Variants in P3H2 observed in about 807,000 individuals in gnomAD.
P3H2 encodes the protein leprecan-like 1.
P3H2 carries 80 observed loss-of-function variants against 87.0 expected under a neutral mutation model. The observed-to-expected ratio is 0.92, with a 90% CI of 0.77 to 1.11. P3H2 has a LOEUF of 1.11. Among genes scored for constraint, P3H2 ranks in the 50% least tolerant of loss-of-function variants. The pLI is 0.00. For missense variants in P3H2, 1,001 were observed against 923.9 expected, an observed-to-expected ratio of 1.08 and a Z score of -1.08; for synonymous variants, 367 against 359.3, an observed-to-expected ratio of 1.02 and a Z score of -0.24.
intron 1 of P3H2, among the ~76,000 whole-genome samples, chr3:190,114,812 A>T (rs1712227155): frequency 6.6e-6 from 1 of 152,262 alleles, no homozygotes; most frequent in Non-Finnish European, 1.5e-5. Context: ...CTATTTCAAG[A>T]AGATATGAAA....
chr3:190,066,076 T>C (rs564642193), intron 1 of P3H2, among the ~76,000 whole-genome samples: 2 of 151,572 alleles, frequency 1.3e-5, no homozygotes, highest in East Asian at 3.9e-4. Flanking sequence ...GAGTACTTGA[T>C]ATAATTTCAA....
chr3:190,056,600 T>C (rs1231764225), intron 1 of P3H2, among the ~76,000 whole-genome samples: 1 of 152,232 alleles, frequency 6.6e-6, no homozygotes, highest in Non-Finnish European at 1.5e-5. Flanking sequence ...GTCGTGATGA[T>C]AATCTGGATT....
intron 1 of P3H2, among the ~76,000 whole-genome samples, chr3:190,014,431 G>C (rs1560362641): frequency 6.6e-6 from 1 of 152,226 alleles, no homozygotes; most frequent in Non-Finnish European, 1.5e-5. Context: ...CAGATGGATA[G>C]GGTTTGGCAG....
chr3:189,970,296 T>TA (rs1409436532), intron 13 of P3H2, among the ~76,000 whole-genome samples: 5 of 141,244 alleles, frequency 3.5e-5, no homozygotes, highest in East Asian at 2.1e-4. Context: ...TATATATATA[T>TA]TTTTTATATA....
chr3:189,991,846 A>C (rs942883826), intron 3 of P3H2, among the ~76,000 whole-genome samples: 2 of 152,182 alleles, frequency 1.3e-5, no homozygotes, highest in Admixed American at 6.5e-5. Context: ...GTTTTTTTAG[A>C]GACTGCTCTG....
intron 8 of P3H2, among the ~76,000 whole-genome samples, chr3:189,977,879 G>C (rs1022955580): frequency 3.3e-5 from 5 of 152,042 alleles, no homozygotes. Flanking sequence ...CAAAGTGCTT[G>C]GATTCGAGGC....
In P3H2 at chr3:189,994,676, T is replaced by A. The variant is rs201459111; in HGVS notation, c.634-393A>T. Among the ~76,000 whole-genome samples the A allele has an allele frequency of 3.1e-4, 44 of 139,780 alleles. No individual in the cohort carries two copies. In the East Asian group the frequency reaches 4.7e-3, roughly 15 times the overall value. 91.7% of individuals were successfully genotyped at this position (139,780 alleles called of 152,430 possible). A position where few individuals can be genotyped will look rare whatever the true frequency, so the allele number is the denominator to read the frequency against. On this transcript the variant is annotated intron_variant, in intron 2 of 14. Transcript: ENST00000319332. ...GCCTGTGTTTTTTGTTTTTTTTTTT[T>A]AATATTTTCTAAAATCTTTCCTTAT...
At chr3:190,106,128 G>C (rs569434211) in intron 1 of P3H2, among the ~76,000 whole-genome samples, 1 of 152,024 alleles carries the variant, frequency 6.6e-6, no homozygotes, top group African/African-American at 2.4e-5. Context: ...AAACAGAGAA[G>C]ATTTGGAATG....
At chr3:190,065,902 G>A (rs1726483272) in intron 1 of P3H2, among the ~76,000 whole-genome samples, 1 of 152,126 alleles carries the variant, frequency 6.6e-6, no homozygotes. Context: ...CATAGCTTGT[G>A]TCACTATTGT....
chr3:189,966,163 G>C (rs1489627752), intron 13 of P3H2, among the ~76,000 whole-genome samples: 1 of 146,822 alleles, frequency 6.8e-6, no homozygotes, highest in African/African-American at 2.6e-5. Context: ...AAGAAAGAAA[G>C]AAAGAAAGAA....
rs191801042 is a variant in P3H2 at position 189,957,561 on chromosome 3, G to A, written c.*351C>T. The A allele has an allele frequency of 4.2e-4, 166 of 394,282 alleles. No homozygotes were observed. The East Asian group carries it at 8.0e-3, about 19-fold the overall frequency. The allele number at this position is 394,282 out of a possible 1,614,324, so 24.4% of individuals were successfully genotyped here. On this transcript the variant is annotated 3_prime_UTR_variant, in exon 15 of 15. Transcript: ENST00000319332. ...GAAAGAGAGCTGGGTGTGGTGGCACGTGCCTGTGGTCCCAGCTCCCCGGGA... is the reference window on the plus strand; with the variant it reads ...GAAAGAGAGCTGGGTGTGGTGGCACATGCCTGTGGTCCCAGCTCCCCGGGA...
chr3:190,081,722 A>T (rs1285594550), intron 1 of P3H2, among the ~76,000 whole-genome samples: 1 of 152,194 alleles, frequency 6.6e-6, no homozygotes, highest in East Asian at 1.9e-4. Context: ...AACTTCCTCA[A>T]AACCCTTGAA....
chr3:190,025,587 A>G (rs77516179), intron 1 of P3H2, among the ~76,000 whole-genome samples: 5,093 of 152,264 alleles, frequency 0.033, 254 homozygotes, highest in African/African-American at 0.11. Flanking sequence ...AAGAACTTAG[A>G]ACTCTCCTTT....
At position 189,970,904 on chromosome 3, in the gene P3H2, A is replaced by G; in HGVS notation, c.1818-13T>C. 7.2e-7 allele frequency: 1 copy of G among 1,394,942 alleles called. No individual in the cohort carries two copies. Among genetic ancestry groups the G allele is most frequent in the Non-Finnish European group, 1.0e-6 (1 of 980,280 alleles). The allele number at this position is 1,394,942 out of a possible 1,614,324, so 86.4% of individuals were successfully genotyped here. A position where few individuals can be genotyped will look rare whatever the true frequency, so the allele number is the denominator to read the frequency against. ...ATATAGGAGAGCACTATAAGAATGA[A>G]GAGAAAACTATTTGTATTATTATAT... On this transcript the variant is annotated splice_polypyrimidine_tract_variant and intron_variant, in intron 12 of 14. Coordinates refer to ENST00000319332, the MANE Select transcript of P3H2 (RefSeq NM_018192.4).
intron 1 of P3H2, among the ~76,000 whole-genome samples, chr3:190,056,095 G>GCT (rs1273850676): frequency 2.6e-5 from 4 of 151,918 alleles, no homozygotes; most frequent in Non-Finnish European, 4.4e-5. Flanking sequence ...ACACCAGAAA[G>GCT]CTCTCTCTCT....
intron 1 of P3H2, among the ~76,000 whole-genome samples, chr3:190,049,856 G>C (rs910766446): frequency 2.0e-5 from 3 of 152,168 alleles, no homozygotes; most frequent in African/African-American, 7.2e-5. Context: ...CACGACATGT[G>C]AAAAACTGAG....
intron 1 of P3H2, among the ~76,000 whole-genome samples, chr3:190,076,198 T>TAC (rs1334539875): frequency 6.7e-6 from 1 of 149,448 alleles, no homozygotes; most frequent in Non-Finnish European, 1.5e-5. Flanking sequence ...CACACACACA[T>TAC]ACACACACAC....
At position 189,981,157 on chromosome 3, in the gene P3H2, C is replaced by G. The variant is rs536879692; in HGVS notation, c.1324+1889G>C. On this transcript the variant is annotated intron_variant, in intron 8 of 14. Coordinates refer to ENST00000319332, the MANE Select transcript of P3H2 (RefSeq NM_018192.4). ...ATAAACCAGTAAACACAAGAGTTTC[C>G]TGAGTTCTGTGGGATGCTCTAGCAA... Among the ~76,000 whole-genome samples, 45 of 152,312 alleles carry G rather than the reference C, an allele frequency of 3.0e-4. 1 individual carries two copies. The highest frequency in any genetic ancestry group is 4.4e-5 in the Non-Finnish European group (3 of 68,032).
chr3:190,107,249 T>C (rs1711879439), intron 1 of P3H2, among the ~76,000 whole-genome samples: 1 of 152,200 alleles, frequency 6.6e-6, no homozygotes, highest in South Asian at 2.1e-4. Context: ...GATAGATAGA[T>C]GATAGATGGA....
Sources: gnomAD v4.1 joint callset for allele counts (sites outside exome capture counted in the v4.1 genomes callset) on GRCh38, gnomAD v4.1.1 for gene constraint, MANE v1.5 for transcripts, NCBI Gene and HGNC (gene_info 2026-07-23, HGNC 2026-07-21) for gene names.